The following ST18 variants were observed in gnomAD, a reference collection of about 807,000 sequenced individuals.
ST18 encodes suppression of tumorigenicity 18 protein.
In ST18, 50 loss-of-function variants were observed where a neutral mutation model predicts 110.0. The ratio of observed to expected loss-of-function variants is 0.45; its 90% CI spans 0.36 to 0.58. ST18 has a LOEUF of 0.58. Ranked by LOEUF, ST18 falls within the 20% of genes least tolerant of loss-of-function variation. ST18 has a pLI of 0.00. For synonymous variants in ST18, 461 were observed against 452.4 expected (o/e 1.02, Z -0.24); for missense variants, 1,306 against 1,280.1 (o/e 1.02, Z -0.31).
intron 8 of ST18, among the ~76,000 whole-genome samples, chr8:52,196,460 T>C (rs551683805): frequency 1.2e-4 from 18 of 152,310 alleles, no homozygotes; most frequent in African/African-American, 3.8e-4. Flanking sequence ...AGGACTGATG[T>C]CCCGTGTCTC....
At chr8:52,166,401 C>T (rs982915492) in intron 11 of ST18, among the ~76,000 whole-genome samples, 11 of 152,192 alleles carry the variant, frequency 7.2e-5, no homozygotes, top group South Asian at 4.1e-4. Flanking sequence ...GCCCTGATTG[C>T]TCCAGAGGCA....
intron 2 of ST18, among the ~76,000 whole-genome samples, chr8:52,358,719 A>C (rs1824293230): frequency 6.6e-6 from 1 of 152,002 alleles, no homozygotes; most frequent in South Asian, 2.1e-4. Flanking sequence ...ACAATAAACC[A>C]TACAACTACC....
chr8:52,310,960 G>A (rs2095896315), intron 2 of ST18, among the ~76,000 whole-genome samples: 2 of 152,150 alleles, frequency 1.3e-5, no homozygotes, highest in African/African-American at 4.8e-5. Context: ...GAGGTAGTGT[G>A]GTGAGCACAG....
intron 2 of ST18, among the ~76,000 whole-genome samples, chr8:52,392,165 T>A (rs1352271178): frequency 3.3e-5 from 5 of 152,224 alleles, no homozygotes; most frequent in Non-Finnish European, 7.3e-5. Context: ...TAAGAGTATC[T>A]ACATGAGAGG....
chr8:52,394,198 C>A (rs190556308), intron 2 of ST18, among the ~76,000 whole-genome samples: 1 of 152,188 alleles, frequency 6.6e-6, no homozygotes, highest in Non-Finnish European at 1.5e-5. Flanking sequence ...AGTTGTCACA[C>A]GTGAACCCTA....
intron 12 of ST18, among the ~76,000 whole-genome samples, chr8:52,164,783 C>T (rs2062421097): frequency 6.6e-6 from 1 of 152,184 alleles, no homozygotes; most frequent in Admixed American, 6.5e-5. Context: ...TCCAGGATAA[C>T]CTAGAAGCAA....
At chr8:52,335,549 C>T (rs1811634565) in intron 2 of ST18, among the ~76,000 whole-genome samples, 1 of 152,156 alleles carries the variant, frequency 6.6e-6, no homozygotes, top group South Asian at 2.1e-4. Context: ...TTCATATATG[C>T]TTTATTCACA....
intron 8 of ST18, chr8:52,199,139 T>C (rs2077137597): frequency 6.6e-6 from 1 of 151,772 alleles, no homozygotes; most frequent in Non-Finnish European, 1.5e-5. Flanking sequence ...CATTTCATAT[T>C]CTCATTCAGG....
chr8:52,202,570 A>C (rs1278512397), intron 8 of ST18, among the ~76,000 whole-genome samples: 2 of 152,222 alleles, frequency 1.3e-5, no homozygotes, highest in African/African-American at 4.8e-5. Flanking sequence ...AAGTGTTTTG[A>C]AACAGACAAG....
chr8:52,205,947 C>T (rs185273900), intron 8 of ST18, among the ~76,000 whole-genome samples: 63 of 152,228 alleles, frequency 4.1e-4, no homozygotes, highest in Non-Finnish European at 7.2e-4. Context: ...TACTTTTCAG[C>T]TTGATTTATT....
intron 22 of ST18, among the ~76,000 whole-genome samples, chr8:52,131,725 C>T (rs1435086280): frequency 3.9e-5 from 6 of 152,172 alleles, no homozygotes; most frequent in Admixed American, 3.9e-4. Flanking sequence ...ATAAAACCAA[C>T]TGTACATTTT....
intron 2 of ST18, among the ~76,000 whole-genome samples, chr8:52,306,204 G>A (rs1056128166): frequency 3.3e-5 from 5 of 152,092 alleles, no homozygotes; most frequent in East Asian, 1.9e-4. Context: ...AGTGATGCCA[G>A]CTCTGGCCAT....
In ST18 at chr8:52,132,120, C is replaced by T. The variant is rs777126886; in HGVS notation, c.2504G>A (p.Arg835His). 3.6e-5 allele frequency: 58 copies of T among 1,613,942 alleles called. No individual in the cohort carries two copies. The East Asian group carries it at 4.0e-4, about 11-fold the overall frequency. ...AGCCAGAGGACAGCCAGAAGCTGTGCGGTGTGATGTGTATTTACCTGATAT... is the reference window on the plus strand; with the variant it reads ...AGCCAGAGGACAGCCAGAAGCTGTGTGGTGTGATGTGTATTTACCTGATAT... ...GHISGKYTSH[R>H]TASGCPLAAK... Residue 835 changes from arginine (R) to histidine (H), a missense_variant, in exon 22 of 26, where the codon CGC (arginine) becomes CAC (histidine). Coordinates refer to ENST00000689386, the MANE Select transcript of ST18 (RefSeq NM_001352837.2).
intron 2 of ST18, among the ~76,000 whole-genome samples, chr8:52,380,841 T>C (rs927811134): frequency 2.0e-5 from 3 of 152,158 alleles, no homozygotes; most frequent in Admixed American, 1.3e-4. Context: ...TCAACACCTA[T>C]TGACTATGAA....
chr8:52,375,187 C>T (rs1831821001), intron 2 of ST18, among the ~76,000 whole-genome samples: 1 of 152,108 alleles, frequency 6.6e-6, no homozygotes, highest in African/African-American at 2.4e-5. Flanking sequence ...TATAAGCATG[C>T]TGTTATCTCT....
chr8:52,312,671 A>G (rs1172084601), intron 2 of ST18, among the ~76,000 whole-genome samples: 1 of 152,204 alleles, frequency 6.6e-6, no homozygotes, highest in African/African-American at 2.4e-5. Context: ...TCAGAAAAAA[A>G]AGACCAGGAA....
chr8:52,225,260 AG>A (rs1162420795), intron 3 of ST18, among the ~76,000 whole-genome samples: 1 of 152,244 alleles, frequency 6.6e-6, no homozygotes, highest in African/African-American at 2.4e-5. Flanking sequence ...TAGCCCTCAA[AG>A]ATACTTAAAG....
intron 23 of ST18, among the ~76,000 whole-genome samples, chr8:52,119,097 G>A (rs1271376638): frequency 1.3e-5 from 2 of 152,132 alleles, no homozygotes; most frequent in East Asian, 1.9e-4. Context: ...ATCAGCTTGG[G>A]AGTTTGACTC....
At chr8:52,308,802 G>A (rs1033853160) in intron 2 of ST18, among the ~76,000 whole-genome samples, 1 of 152,198 alleles carries the variant, frequency 6.6e-6, no homozygotes. Context: ...AGCACTGTCT[G>A]GACTGTGCCC....
Sources: gnomAD v4.1 joint callset for allele counts (sites outside exome capture counted in the v4.1 genomes callset) on GRCh38, gnomAD v4.1.1 for gene constraint, MANE v1.5 for transcripts, NCBI Gene and HGNC (gene_info 2026-07-23, HGNC 2026-07-21) for gene names.